PDE1A: variants seen among roughly 807,000 people sequenced by gnomAD.
PDE1A encodes the protein dual specificity calcium/calmodulin-dependent 3',5'-cyclic nucleotide phosphodiesterase 1A.
Under a neutral mutation model 61.7 loss-of-function variants are expected in PDE1A, and 35 were observed. The ratio of observed to expected loss-of-function variants is 0.57; its 90% CI spans 0.43 to 0.75. The LOEUF is 0.75. Ranked by LOEUF, PDE1A falls within the 30% of genes least tolerant of loss-of-function variation. The pLI, the probability that PDE1A is intolerant of heterozygous loss-of-function variation, is 0.00. For missense variants in PDE1A, 597 were observed against 630.6 expected (o/e 0.95, Z 0.57); for synonymous variants, 232 against 213.2 (o/e 1.09, Z -0.77).
the PDE1A span, among the ~76,000 whole-genome samples, chr2:182,622,064 T>A: frequency 6.6e-6 from 1 of 152,188 alleles, no homozygotes; most frequent in South Asian, 2.1e-4. Flanking sequence ...ATATGCCATC[T>A]TAGAGAGGAA....
the PDE1A span, among the ~76,000 whole-genome samples, chr2:182,537,688 G>A: frequency 6.6e-5 from 10 of 151,924 alleles, no homozygotes; most frequent in African/African-American, 1.2e-4. Context: ...AAGAAGGCCT[G>A]TATATATCCA....
At chr2:182,653,299 G>A in the PDE1A span, among the ~76,000 whole-genome samples, 1 of 152,096 alleles carries the variant, frequency 6.6e-6, no homozygotes, top group Non-Finnish European at 1.5e-5. Flanking sequence ...CTTGCTTCCT[G>A]GATCTGCATA....
At chr2:182,211,161 T>A (rs1330866232) in intron 7 of PDE1A, among the ~76,000 whole-genome samples, 3 of 152,220 alleles carry the variant, frequency 2.0e-5, no homozygotes, top group Admixed American at 6.5e-5. Flanking sequence ...TTGCAACACA[T>A]GAATTCTGGG....
the PDE1A span, among the ~76,000 whole-genome samples, chr2:182,701,853 A>G: frequency 3.3e-5 from 5 of 152,196 alleles, no homozygotes; most frequent in African/African-American, 1.2e-4. Context: ...AAACTAACTG[A>G]CTGAGACAAT....
the PDE1A span, among the ~76,000 whole-genome samples, chr2:182,699,931 T>A: frequency 2.0e-5 from 3 of 152,226 alleles, no homozygotes; most frequent in Non-Finnish European, 4.4e-5. Flanking sequence ...CTGCCTCTTT[T>A]TCCTGTAATC....
At chr2:182,349,561 T>C (rs1237505091) in intron 1 of PDE1A, among the ~76,000 whole-genome samples, 1 of 152,206 alleles carries the variant, frequency 6.6e-6, no homozygotes, top group Non-Finnish European at 1.5e-5. Flanking sequence ...AATCTTCTGA[T>C]TAGAAAGATT....
the PDE1A span, among the ~76,000 whole-genome samples, chr2:182,688,267 G>A: frequency 1.3e-5 from 2 of 152,096 alleles, no homozygotes; most frequent in Non-Finnish European, 2.9e-5. Flanking sequence ...AACATTAAGG[G>A]GAGCCAGAGA....
chr2:182,198,686 T>TATC (rs1491364260), intron 10 of PDE1A, among the ~76,000 whole-genome samples: 1 of 151,854 alleles, frequency 6.6e-6, no homozygotes, highest in Admixed American at 6.6e-5. Context: ...TGATATGCAC[T>TATC]ATCTTACTAA....
chr2:182,149,345 G>A (rs1453481983), intron 13 of PDE1A, among the ~76,000 whole-genome samples: 1 of 152,000 alleles, frequency 6.6e-6, no homozygotes, highest in Non-Finnish European at 1.5e-5. Flanking sequence ...TAATCAAATG[G>A]CAACAAGGCA....
the PDE1A span, among the ~76,000 whole-genome samples, chr2:182,699,280 C>T: frequency 2.0e-5 from 3 of 152,320 alleles, no homozygotes; most frequent in African/African-American, 7.2e-5. Flanking sequence ...CATTCTATTG[C>T]TTTTCCCAGT....
At chr2:182,461,079 T>C (rs781015716) in intron 2 of PDE1A, among the ~76,000 whole-genome samples, 1 of 152,212 alleles carries the variant, frequency 6.6e-6, no homozygotes, top group South Asian at 2.1e-4. Context: ...GGTGACCTCA[T>C]ATGCAGCATT....
chr2:182,291,504 C>T (rs1040841105), intron 1 of PDE1A, among the ~76,000 whole-genome samples: 1 of 152,112 alleles, frequency 6.6e-6, no homozygotes, highest in Non-Finnish European at 1.5e-5. Flanking sequence ...TGTACTGCCT[C>T]TGGATTGTCA....
At chr2:182,617,554 T>A in the PDE1A span, among the ~76,000 whole-genome samples, 102 of 152,298 alleles carry the variant, frequency 6.7e-4, no homozygotes, top group East Asian at 6.4e-3. Flanking sequence ...GTCTTGGGGA[T>A]CCCAGAATTT....
chr2:182,262,945 T>C (rs950791184), intron 2 of PDE1A, among the ~76,000 whole-genome samples: 5 of 137,726 alleles, frequency 3.6e-5, no homozygotes, highest in African/African-American at 1.4e-4. Flanking sequence ...AATTTTTTAC[T>C]TATTAAACAA....
intron 6 of PDE1A, among the ~76,000 whole-genome samples, chr2:182,225,269 C>T (rs1689053290): frequency 6.6e-6 from 1 of 151,800 alleles, no homozygotes; most frequent in Non-Finnish European, 1.5e-5. Flanking sequence ...TGAAGTGTAA[C>T]TGAAGAATAT....
upstream of PDE1A, among the ~76,000 whole-genome samples, chr2:182,427,532 A>G (rs1000674806): frequency 6.6e-6 from 1 of 152,138 alleles, no homozygotes; most frequent in Admixed American, 6.6e-5. Context: ...TTTTTTTAAC[A>G]AAAAGCCCCT....
chr2:182,353,468 T>C (rs1023393704), intron 1 of PDE1A, among the ~76,000 whole-genome samples: 2 of 152,188 alleles, frequency 1.3e-5, no homozygotes, highest in Admixed American at 1.3e-4. Context: ...TTGCTTGGTA[T>C]TTCACAGATT....
chr2:182,172,840 T>C (rs932455056), intron 13 of PDE1A, among the ~76,000 whole-genome samples: 2 of 151,916 alleles, frequency 1.3e-5, no homozygotes, highest in African/African-American at 4.8e-5. Context: ...GGTAGAGAGA[T>C]AGGAAAACAT....
the PDE1A span, among the ~76,000 whole-genome samples, chr2:182,662,741 T>C: frequency 1.3e-5 from 2 of 152,172 alleles, no homozygotes; most frequent in South Asian, 4.1e-4. Context: ...GAAGACAACC[T>C]AGGCAATACC....
Sources: allele counts gnomAD v4.1 joint callset (sites outside exome capture counted in the v4.1 genomes callset), GRCh38; gene constraint gnomAD v4.1.1; transcripts MANE v1.5; gene names NCBI Gene and HGNC (gene_info 2026-07-23, HGNC 2026-07-21).